Variants in SGCD observed in about 807,000 individuals in gnomAD.
SGCD encodes sarcoglycan delta.
SGCD carries 18 observed loss-of-function variants against 36.6 expected under a neutral mutation model. The observed-to-expected ratio is 0.49, with a 90% CI of 0.34 to 0.73. The LOEUF is 0.73. Among genes scored for constraint, SGCD ranks in the 30% least tolerant of loss-of-function variants. SGCD has a pLI of 0.01. For missense variants in SGCD, 387 were observed against 346.7 expected (o/e 1.12, Z -0.92); for synonymous variants, 133 against 130.6 (o/e 1.02, Z -0.12).
intron 7 of SGCD, among the ~76,000 whole-genome samples, chr5:156,693,085 T>A (rs559692967): frequency 6.6e-6 from 1 of 152,274 alleles, no homozygotes; most frequent in Admixed American, 6.5e-5. Flanking sequence ...AATCACAGAA[T>A]AATGTACTGT....
intron 6 of SGCD, among the ~76,000 whole-genome samples, chr5:156,615,337 G>C (rs1248325301): frequency 2.6e-5 from 4 of 152,206 alleles, no homozygotes; most frequent in African/African-American, 4.8e-5. Flanking sequence ...CTGTAGATTA[G>C]TTTTTTAAAT....
chr5:156,759,476 CAGAA>C lies in SGCD; in HGVS notation c.*89_*92del, dbSNP rs1167897328. ...GCTGCCAGCTATTTTTACTAGAACA[CAGAA>C]AGCCTATCAAAGACCTTGTGTGTAT... is the stretch of plus-strand genomic sequence containing the variant. On this transcript the variant is annotated 3_prime_UTR_variant, in exon 9 of 9. Transcript: ENST00000337851. 1 of 942,170 alleles carries C rather than the reference CAGAA, an allele frequency of 1.1e-6. No homozygotes were observed. Among genetic ancestry groups the C allele is most frequent in the Non-Finnish European group, 1.6e-6 (1 of 623,746 alleles). The allele number at this position is 942,170 out of a possible 1,614,324, so 58.4% of individuals were successfully genotyped here.
chr5:156,310,455 T>A (rs768392357), intron 3 of SGCD, among the ~76,000 whole-genome samples: 7 of 152,170 alleles, frequency 4.6e-5, no homozygotes, highest in Non-Finnish European at 8.8e-5. Flanking sequence ...AGCTACTCCA[T>A]GAACATCCCG....
intron 2 of SGCD, among the ~76,000 whole-genome samples, chr5:156,340,542 ACTT>A (rs1768596786): frequency 6.6e-6 from 1 of 152,242 alleles, no homozygotes; most frequent in Non-Finnish European, 1.5e-5. Context: ...CACTAAGCCA[ACTT>A]CTTCTTAGAT....
chr5:156,179,710 G>A (rs147529973), intron 3 of SGCD, among the ~76,000 whole-genome samples: 167 of 146,890 alleles, frequency 1.1e-3, no homozygotes, highest in African/African-American at 4.0e-3. Context: ...GAACCTCTCC[G>A]CCTCTGGGGT....
At chr5:156,186,727 C>T (rs1378417591) in intron 3 of SGCD, among the ~76,000 whole-genome samples, 6 of 152,168 alleles carry the variant, frequency 3.9e-5, no homozygotes, top group Admixed American at 2.6e-4. Flanking sequence ...CTGAACTTGT[C>T]ACATCTGAAC....
At chr5:156,364,974 C>T (rs1348805956) in intron 3 of SGCD, among the ~76,000 whole-genome samples, 3 of 152,186 alleles carry the variant, frequency 2.0e-5, no homozygotes, top group Non-Finnish European at 2.9e-5. Context: ...CGGAGAGTTG[C>T]AAGGGCATAC....
chr5:155,787,865 A>G, the SGCD span, among the ~76,000 whole-genome samples: 2 of 152,194 alleles, frequency 1.3e-5, no homozygotes, highest in African/African-American at 4.8e-5. Flanking sequence ...TTCTCCAGGG[A>G]TAATCATGCC....
At chr5:156,124,332 G>A (rs1268226783) in intron 3 of SGCD, among the ~76,000 whole-genome samples, 1 of 152,108 alleles carries the variant, frequency 6.6e-6, no homozygotes, top group Non-Finnish European at 1.5e-5. Flanking sequence ...AGAAATGGGG[G>A]TAGATACTTA....
intron 3 of SGCD, among the ~76,000 whole-genome samples, chr5:156,471,771 CAT>C (rs904147101): frequency 3.3e-5 from 5 of 151,748 alleles, no homozygotes; most frequent in African/African-American, 9.7e-5. Flanking sequence ...AAGCACTAAA[CAT>C]AAAAAAATTA....
chr5:156,358,086 T>C (rs1769581708), intron 3 of SGCD, among the ~76,000 whole-genome samples: 1 of 152,168 alleles, frequency 6.6e-6, no homozygotes, highest in Non-Finnish European at 1.5e-5. Context: ...TCATCTGCCA[T>C]GTTAAGTAAC....
At chr5:156,402,993 C>T (rs547025179) in intron 3 of SGCD, among the ~76,000 whole-genome samples, 6 of 152,290 alleles carry the variant, frequency 3.9e-5, no homozygotes, top group East Asian at 3.9e-4. Context: ...TTGATAGCCG[C>T]GGTCTTTTGG....
chr5:155,969,421 A>G (rs1757965419), intron 1 of SGCD, among the ~76,000 whole-genome samples: 1 of 152,154 alleles, frequency 6.6e-6, no homozygotes, highest in Non-Finnish European at 1.5e-5. Flanking sequence ...GATGTGAGAG[A>G]ACTGCACACA....
intron 5 of SGCD, among the ~76,000 whole-genome samples, chr5:156,591,983 C>A (rs1036397825): frequency 1.2e-4 from 18 of 152,096 alleles, no homozygotes; most frequent in African/African-American, 3.4e-4. Flanking sequence ...TGGTGAATTC[C>A]ACTTTATGTT....
intron 4 of SGCD, among the ~76,000 whole-genome samples, chr5:156,572,170 C>T (rs1372985917): frequency 6.6e-6 from 1 of 152,110 alleles, no homozygotes; most frequent in African/African-American, 2.4e-5. Context: ...TGTATTGTTT[C>T]CGCCCTTTGA....
intron 1 of SGCD, among the ~76,000 whole-genome samples, chr5:155,957,751 A>G (rs1300244075): frequency 6.6e-6 from 1 of 152,114 alleles, no homozygotes; most frequent in African/African-American, 2.4e-5. Context: ...GGTCAACTGA[A>G]CAGCAGCCTT....
intron 2 of SGCD, among the ~76,000 whole-genome samples, chr5:156,343,997 C>G (rs1213627250): frequency 6.6e-6 from 1 of 152,140 alleles, no homozygotes; most frequent in Non-Finnish European, 1.5e-5. Context: ...TCAAAGCTGC[C>G]ACGGTTGCCA....
the SGCD span, among the ~76,000 whole-genome samples, chr5:155,771,276 C>T: frequency 1.3e-5 from 2 of 151,904 alleles, no homozygotes; most frequent in Non-Finnish European, 1.5e-5. Context: ...TAACACAGTG[C>T]CTTGTTCTGT....
chr5:156,298,235 G>A (rs1215059440), intron 3 of SGCD, among the ~76,000 whole-genome samples: 1 of 152,094 alleles, frequency 6.6e-6, no homozygotes, highest in Non-Finnish European at 1.5e-5. Flanking sequence ...TACTGCTGAA[G>A]TGTCTCTTTA....
Sources: gnomAD v4.1 joint callset for allele counts (sites outside exome capture counted in the v4.1 genomes callset) on GRCh38, gnomAD v4.1.1 for gene constraint, MANE v1.5 for transcripts, NCBI Gene and HGNC (gene_info 2026-07-23, HGNC 2026-07-21) for gene names.